Variants in NAV3 observed in about 807,000 individuals in gnomAD.
NAV3 encodes the protein pore membrane and/or filament interacting like protein 1.
Under a neutral mutation model 244.7 loss-of-function variants are expected in NAV3, and 87 were observed. That is an observed-to-expected ratio of 0.36 (90% CI 0.30 to 0.42). The LOEUF (loss-of-function observed/expected upper bound fraction) is 0.42. NAV3 is among the 20% of genes least tolerant of loss of function. The pLI is 1.00. For missense variants in NAV3, 2,663 were observed against 2,893.3 expected (o/e 0.92, Z 1.83); for synonymous variants, 1,126 against 1,042.2 (o/e 1.08, Z -1.55).
At chr12:77,668,908 G>A (rs546447607) in intron 2 of NAV3, among the ~76,000 whole-genome samples, 2 of 152,168 alleles carry the variant, frequency 1.3e-5, no homozygotes, top group East Asian at 1.9e-4. Flanking sequence ...AAAAGTATCA[G>A]GTAACCTATA....
intron 21 of NAV3, among the ~76,000 whole-genome samples, chr12:78,147,988 C>G (rs1956930478): frequency 6.6e-6 from 1 of 152,018 alleles, no homozygotes; most frequent in African/African-American, 2.4e-5. Flanking sequence ...CAACATGAGA[C>G]TTGCAGAACA....
At chr12:77,749,180 C>T (rs1365524271) in intron 2 of NAV3, among the ~76,000 whole-genome samples, 2 of 152,106 alleles carry the variant, frequency 1.3e-5, no homozygotes, top group Non-Finnish European at 2.9e-5. Flanking sequence ...TCAACAGTGA[C>T]AGACATGATA....
chr12:78,051,955 T>C (rs1284538634), intron 11 of NAV3, among the ~76,000 whole-genome samples: 1 of 152,148 alleles, frequency 6.6e-6, no homozygotes, highest in Non-Finnish European at 1.5e-5. Context: ...GGAAACTGAG[T>C]CTAATTGGCC....
intron 5 of NAV3, among the ~76,000 whole-genome samples, chr12:77,988,091 C>T (rs1028075421): frequency 6.6e-6 from 1 of 152,176 alleles, no homozygotes; most frequent in African/African-American, 2.4e-5. Flanking sequence ...GAGTATTCTC[C>T]TTCCAAGGAG....
intron 7 of NAV3, 52 bp downstream of exon 7, chr12:77,998,528 T>C (rs1872728945): frequency 6.6e-7 from 1 of 1,510,530 alleles, no homozygotes. Context: ...GTCTTGTGAA[T>C]TGCATGCTAA....
intron 5 of NAV3, among the ~76,000 whole-genome samples, chr12:77,973,146 A>T (rs74893575): frequency 1.4e-4 from 22 of 152,126 alleles, no homozygotes; most frequent in Admixed American, 6.6e-4. Flanking sequence ...TTTTATCTTA[A>T]TTTTTGAACA....
chr12:77,876,482 T>A (rs1186823254), intron 1 of NAV3, among the ~76,000 whole-genome samples: 1 of 152,078 alleles, frequency 6.6e-6, no homozygotes, highest in African/African-American at 2.4e-5. Context: ...TTAAAAATAG[T>A]TTATCATGGT....
intron 1 of NAV3, among the ~76,000 whole-genome samples, chr12:77,850,904 G>T (rs1030408605): frequency 6.6e-6 from 1 of 152,232 alleles, no homozygotes; most frequent in East Asian, 1.9e-4. Context: ...ACCCTCTGTT[G>T]GCAACTATTG....
At chr12:77,607,316 GC>G (rs1481284099) in intron 2 of NAV3, among the ~76,000 whole-genome samples, 1 of 152,016 alleles carries the variant, frequency 6.6e-6, no homozygotes, top group Non-Finnish European at 1.5e-5. Flanking sequence ...ACCCTACCGG[GC>G]TATCCCCTTA....
rs115939939 is a variant in NAV3, at chr12:78,121,712, C to T, written c.3750-228C>T. On this transcript the variant is annotated intron_variant, in intron 15 of 39. Transcript: ENST00000397909. ...TGACTTACTTTTGTTCCACCCACTT[C>T]CCCTCTTTCCCTAGTAGCAGCTCAG... 6.9e-3 allele frequency among the ~76,000 whole-genome samples: 1,053 copies of T among 152,060 alleles called. 10 individuals carry two copies. The highest frequency in any genetic ancestry group is 0.024 in the African/African-American group (982 of 41,476).
At chr12:78,097,346 A>G (rs992500061) in intron 12 of NAV3, among the ~76,000 whole-genome samples, 20 of 152,308 alleles carry the variant, frequency 1.3e-4, no homozygotes, top group African/African-American at 4.6e-4. Flanking sequence ...TGTTTGTGCT[A>G]GAAAATATAA....
At chr12:77,574,088 C>T (rs896839007) in intron 2 of NAV3, among the ~76,000 whole-genome samples, 2 of 152,046 alleles carry the variant, frequency 1.3e-5, no homozygotes, top group Non-Finnish European at 2.9e-5. Flanking sequence ...AAAAATACTA[C>T]CTTGGTGATG....
At chr12:77,848,435 A>G (rs1876981885) in intron 1 of NAV3, among the ~76,000 whole-genome samples, 1 of 152,250 alleles carries the variant, frequency 6.6e-6, no homozygotes, top group African/African-American at 2.4e-5. Flanking sequence ...AAGCTAGGCC[A>G]CTGAATGAAT....
intron 12 of NAV3, among the ~76,000 whole-genome samples, chr12:78,115,929 A>G (rs552242734): frequency 6.6e-6 from 1 of 152,338 alleles, no homozygotes; most frequent in African/African-American, 2.4e-5. Context: ...ACAGTATGTA[A>G]CAATACAGTT....
chr12:77,719,049 A>G (rs2137285131), intron 2 of NAV3, among the ~76,000 whole-genome samples: 1 of 152,196 alleles, frequency 6.6e-6, no homozygotes, highest in East Asian at 1.9e-4. Context: ...AGTTAAGTTT[A>G]TTCATAAGTA....
rs904146962 is a variant in NAV3, at chr12:78,140,270, T to C, written c.4631-12T>C. 4.2e-5 allele frequency: 68 copies of C among 1,612,126 alleles called. No individual in the cohort carries two copies. The highest frequency in any genetic ancestry group is 5.5e-5 in the Non-Finnish European group (65 of 1,178,502). ...ATTGTTTTAACTCTATTGTTCTGTT[T>C]GTTTTCTCCAGTTCATGGCTCTTCA... On this transcript the variant is annotated splice_polypyrimidine_tract_variant and intron_variant, in intron 19 of 39. Coordinates refer to ENST00000397909, the MANE Select transcript of NAV3 (RefSeq NM_001024383.2).
chr12:78,119,982 G>T, intron 15 of NAV3, 37 bp downstream of exon 15: 1 of 1,538,180 alleles, frequency 6.5e-7, no homozygotes, highest in African/African-American at 1.4e-5. Context: ...AAAATATAAA[G>T]GATAAATATG....
In NAV3 at chr12:78,122,039, G is replaced by T. The variant is rs757488888; in HGVS notation, c.3849G>T (p.Ala1283=). 6.2e-7 allele frequency: 1 copy of T among 1,614,168 alleles called. No homozygotes were observed. The highest frequency in any genetic ancestry group is 8.5e-7 in the Non-Finnish European group (1 of 1,180,044). The stretch of plus-strand genomic sequence containing the variant: ...TGCCCAGCCCTAGTACCACATTAGC[G>T]CGGCAAGGCAGTCTGGAGTCACCGT... ...SVMPSPSTTL[A]RQGSLESPSS... is the part of the protein sequence containing the mutation. The change falls in exon 16 of 40, where the codon GCG becomes GCT. Residue 1283 remains alanine, a synonymous_variant. Transcript: ENST00000397909.
rs534104495 is a variant in NAV3 at position 78,136,895 on chromosome 12, T to C, written c.4442-282T>C. Among the ~76,000 whole-genome samples, 10 of 152,258 alleles carry C rather than the reference T, an allele frequency of 6.6e-5. No individual in the cohort carries two copies. In the South Asian group the frequency reaches 2.1e-3, roughly 32 times the overall value. Reference sequence around the variant, plus strand: ...TCATAACAGGTAGCAGAAAACACCATGTTATTACATTTCTAGCAAGAGCAG... The same window carrying C: ...TCATAACAGGTAGCAGAAAACACCACGTTATTACATTTCTAGCAAGAGCAG... On this transcript the variant is annotated intron_variant, in intron 18 of 39. Coordinates refer to ENST00000397909, the MANE Select transcript of NAV3 (RefSeq NM_001024383.2).
Sources: gnomAD v4.1 joint callset for allele counts (sites outside exome capture counted in the v4.1 genomes callset) on GRCh38, gnomAD v4.1.1 for gene constraint, MANE v1.5 for transcripts, NCBI Gene and HGNC (gene_info 2026-07-23, HGNC 2026-07-21) for gene names.